The following TRAT1 variants were observed in gnomAD, a reference collection of about 807,000 sequenced individuals.
TRAT1 encodes T cell receptor associated transmembrane adaptor 1.
A neutral mutation model predicts 20.0 loss-of-function variants in TRAT1; 20 were observed. The observed-to-expected ratio is 1.00, with a 90% CI of 0.70 to 1.45. The LOEUF is 1.45. Among genes scored for constraint, TRAT1 ranks in the 40% most tolerant of loss-of-function variants. The pLI is 0.00. For missense variants in TRAT1, 237 were observed against 224.1 expected (o/e 1.06, Z -0.37); for synonymous variants, 77 against 74.2 (o/e 1.04, Z -0.20).
chr3:108,829,150 A>T (rs942703393), intron 1 of TRAT1, among the ~76,000 whole-genome samples: 1 of 152,198 alleles, frequency 6.6e-6, no homozygotes, highest in African/African-American at 2.4e-5. Flanking sequence ...TTAAATGCTT[A>T]ATTTTAACCA....
intron 5 of TRAT1, among the ~76,000 whole-genome samples, 191 bp downstream of exon 5, chr3:108,849,445 A>G (rs1280343495): frequency 6.6e-6 from 1 of 152,218 alleles, no homozygotes; most frequent in Non-Finnish European, 1.5e-5. Flanking sequence ...ATTGTACACA[A>G]TCACAAAGGC....
chr3:108,849,488 T>A (rs900375195), intron 5 of TRAT1, among the ~76,000 whole-genome samples: 1 of 152,118 alleles, frequency 6.6e-6, no homozygotes, highest in African/African-American at 2.4e-5. Context: ...GGATTATTCC[T>A]AAGTAATCTA....
At chr3:108,834,344 C>T (rs1174846527) in intron 2 of TRAT1, among the ~76,000 whole-genome samples, 3 of 152,140 alleles carry the variant, frequency 2.0e-5, no homozygotes, top group Non-Finnish European at 4.4e-5. Context: ...GTTCTTATCC[C>T]ACCTCCACCC....
intron 1 of TRAT1, among the ~76,000 whole-genome samples, chr3:108,826,987 G>A (rs1945745506): frequency 6.6e-6 from 1 of 152,132 alleles, no homozygotes; most frequent in Non-Finnish European, 1.5e-5. Flanking sequence ...GCCAATTACT[G>A]TTGGCTTTAA....
At chr3:108,835,164 C>T (rs777834449) in intron 2 of TRAT1, among the ~76,000 whole-genome samples, 9 of 152,084 alleles carry the variant, frequency 5.9e-5, no homozygotes, top group Non-Finnish European at 1.0e-4. Context: ...AAACTATGTG[C>T]CGTTGTCTAT....
intron 4 of TRAT1, 93 bp downstream of exon 4, chr3:108,847,222 C>A: frequency 1.4e-6 from 1 of 703,442 alleles, no homozygotes; most frequent in African/African-American, 1.8e-5. Flanking sequence ...TCAAATCACA[C>A]TTAGCTATCC....
chr3:108,849,876 T>C (rs746619084), intron 5 of TRAT1, among the ~76,000 whole-genome samples: 3 of 152,232 alleles, frequency 2.0e-5, no homozygotes, highest in Admixed American at 2.0e-4. Flanking sequence ...TCTTCAGTTT[T>C]AGTTCTAACT....
chr3:108,838,654 G>A lies in TRAT1; in HGVS notation c.119-280G>A, dbSNP rs145939676. 2.1e-3 allele frequency among the ~76,000 whole-genome samples: 322 copies of A among 152,186 alleles called. 2 individuals carry two copies. The highest frequency in any genetic ancestry group is 6.8e-3 in the African/African-American group (284 of 41,532). On this transcript the variant is annotated intron_variant, in intron 2 of 5. Transcript: ENST00000295756. ...CCGCAATGCATCCAGGCTGTACATC[G>A]TCTCCAAGCTGCACTGTTTCCACCC...
chr3:108,826,761 T>C (rs1451956139), intron 1 of TRAT1, among the ~76,000 whole-genome samples: 9 of 152,162 alleles, frequency 5.9e-5, no homozygotes, highest in Non-Finnish European at 8.8e-5. Flanking sequence ...AGAGAAGCTA[T>C]ATGCTGTAAT....
intron 2 of TRAT1, among the ~76,000 whole-genome samples, chr3:108,833,402 A>T (rs1035976072): frequency 1.3e-5 from 2 of 152,164 alleles, no homozygotes; most frequent in Non-Finnish European, 2.9e-5. Flanking sequence ...TGGGTAAAAG[A>T]GCAAGACTCT....
At chr3:108,832,373 C>T (rs1945802426) in intron 2 of TRAT1, among the ~76,000 whole-genome samples, 1 of 152,158 alleles carries the variant, frequency 6.6e-6, no homozygotes, top group Non-Finnish European at 1.5e-5. Context: ...ATTAGCAATG[C>T]TTTCAGTAAT....
intron 2 of TRAT1, among the ~76,000 whole-genome samples, chr3:108,838,356 T>TA (rs1553727049): frequency 1.0e-4 from 8 of 77,032 alleles, no homozygotes; most frequent in African/African-American, 7.0e-4. Context: ...TATAGATAGA[T>TA]GATAGATAGA....
At position 108,854,621 on chromosome 3, in the gene TRAT1, C is replaced by T. The variant is rs559496510; in HGVS notation, c.*744C>T. 2 of 152,080 alleles carry T rather than the reference C, an allele frequency of 1.3e-5. No homozygotes were observed. The highest frequency in any genetic ancestry group is 4.8e-5 in the African/African-American group (2 of 41,514). The allele number at this position is 152,080 out of a possible 1,614,324, so 9.4% of individuals were successfully genotyped here. On this transcript the variant is annotated 3_prime_UTR_variant, in exon 6 of 6. Transcript: ENST00000295756. ...TTATTTTGAACCAAAAATGTGGTTT[C>T]TTTTGTACACATTACTTAAACTTTC... is the stretch of plus-strand genomic sequence containing the variant.
chr3:108,845,504 G>A (rs932146537), intron 3 of TRAT1, among the ~76,000 whole-genome samples: 44 of 152,234 alleles, frequency 2.9e-4, no homozygotes, highest in African/African-American at 1.0e-3. Flanking sequence ...TTGAATTACC[G>A]GATGGAAAAA....
At chr3:108,835,983 G>A (rs6784805) in intron 2 of TRAT1, among the ~76,000 whole-genome samples, 6,142 of 152,078 alleles carry the variant, frequency 0.04, 177 homozygotes, top group Middle Eastern at 0.11. Flanking sequence ...GCAGTGGCAC[G>A]ATCTCAGCTC....
chr3:108,825,059 C>T (rs866253946), intron 1 of TRAT1, among the ~76,000 whole-genome samples: 5 of 152,142 alleles, frequency 3.3e-5, no homozygotes, highest in Middle Eastern at 3.4e-3. Flanking sequence ...TATTTAAAAA[C>T]CTCACAGGTA....
intron 2 of TRAT1, among the ~76,000 whole-genome samples, chr3:108,832,714 T>G (rs1046631465): frequency 1.3e-5 from 2 of 152,202 alleles, no homozygotes; most frequent in Admixed American, 6.5e-5. Flanking sequence ...CTTTTAAGAT[T>G]GCTGAGGGGC....
At chr3:108,832,583 C>T (rs1406592772) in intron 2 of TRAT1, among the ~76,000 whole-genome samples, 2 of 151,590 alleles carry the variant, frequency 1.3e-5, no homozygotes, top group Admixed American at 1.3e-4. Context: ...AATATATAGC[C>T]AGAATTACAA....
At chr3:108,830,623 T>C (rs764755455) in intron 1 of TRAT1, 47 bp from the exon 2 acceptor site, 25 of 1,291,158 alleles carry the variant, frequency 1.9e-5, no homozygotes, top group South Asian at 5.9e-5. Flanking sequence ...CCAAAACAAA[T>C]GGGTAAGCAG....
Sources: gnomAD v4.1 joint callset for allele counts (sites outside exome capture counted in the v4.1 genomes callset) on GRCh38, gnomAD v4.1.1 for gene constraint, MANE v1.5 for transcripts, NCBI Gene and HGNC (gene_info 2026-07-23, HGNC 2026-07-21) for gene names.